The following EXT2 variants were observed in gnomAD, a reference collection of about 807,000 sequenced individuals.
EXT2 encodes exostosin-2.
EXT2 carries 53 observed loss-of-function variants against 81.6 expected under a neutral mutation model. The ratio of observed to expected loss-of-function variants is 0.65; its 90% CI spans 0.52 to 0.82. The LOEUF (loss-of-function observed/expected upper bound fraction) is 0.82, where lower values mean the gene tolerates loss of function less well. Ranked by LOEUF, EXT2 falls within the 40% of genes least tolerant of loss-of-function variation. The pLI is 0.00. For synonymous variants in EXT2, 320 were observed against 340.0 expected (o/e 0.94, Z 0.65); for missense variants, 774 against 910.2 (o/e 0.85, Z 1.93).
chr11:44,210,386 G>T (rs1457462087), intron 10 of EXT2, among the ~76,000 whole-genome samples: 1 of 152,172 alleles, frequency 6.6e-6, no homozygotes, highest in African/African-American at 2.4e-5. Context: ...AGTTAATGAA[G>T]CAGGATGAAA....
chr11:44,119,320 C>T (rs986942488), intron 4 of EXT2, among the ~76,000 whole-genome samples: 2 of 151,538 alleles, frequency 1.3e-5, no homozygotes, highest in Non-Finnish European at 2.9e-5. Context: ...TGACTTATTA[C>T]GGCAAAAGGA....
intron 7 of EXT2, among the ~76,000 whole-genome samples, chr11:44,153,661 T>C (rs1954821688): frequency 6.6e-6 from 1 of 152,124 alleles, no homozygotes; most frequent in South Asian, 2.1e-4. Context: ...TTGTAGATAT[T>C]CTTTATCAAC....
chr11:44,147,911 A>G lies in EXT2; in HGVS notation c.1173+17773A>G, dbSNP rs1284544317. 2.6e-5 allele frequency among the ~76,000 whole-genome samples: 4 copies of G among 151,370 alleles called. No homozygotes were observed. The East Asian group carries it at 7.8e-4, about 29-fold the overall frequency. On this transcript the variant is annotated intron_variant, in intron 7 of 13. Coordinates refer to ENST00000533608, the MANE Select transcript of EXT2 (RefSeq NM_207122.2). Reference sequence around the variant, plus strand: ...TTAGGTGCTGTGGGATCCTCCCTATATTCAAGGAAGTAACTCTCAAGGGAA... The same window carrying G: ...TTAGGTGCTGTGGGATCCTCCCTATGTTCAAGGAAGTAACTCTCAAGGGAA...
At chr11:44,185,508 C>G (rs1955298728) in intron 8 of EXT2, among the ~76,000 whole-genome samples, 1 of 151,054 alleles carries the variant, frequency 6.6e-6, no homozygotes. Context: ...TTTTTTTTGC[C>G]CTTGTGGGTT....
At position 44,119,163 on chromosome 11, in the gene EXT2, T is replaced by TAC. The variant is rs1954275730; in HGVS notation, c.743+4863_743+4864insCA. ...ATATATATATATATATATATATATA[T>TAC]ATATATACACATACACACACACACA... On this transcript the variant is annotated intron_variant, in intron 4 of 13. Coordinates refer to ENST00000533608, the MANE Select transcript of EXT2 (RefSeq NM_207122.2). 2.9e-4 allele frequency among the ~76,000 whole-genome samples: 14 copies of TAC among 48,096 alleles called. 1 individual carries two copies. Among genetic ancestry groups the TAC allele is most frequent in the South Asian group, 5.6e-4 (1 of 1,798 alleles). 31.6% of individuals were successfully genotyped at this position (48,096 alleles called of 152,430 possible).
At chr11:44,135,482 C>G (rs1316857862) in intron 7 of EXT2, among the ~76,000 whole-genome samples, 1 of 151,684 alleles carries the variant, frequency 6.6e-6, no homozygotes, top group African/African-American at 2.4e-5. Flanking sequence ...ACCTCTGCCT[C>G]CTGGGTTCAA....
intron 7 of EXT2, among the ~76,000 whole-genome samples, chr11:44,157,867 G>A (rs932340537): frequency 8.5e-5 from 13 of 152,194 alleles, no homozygotes; most frequent in African/African-American, 3.1e-4. Flanking sequence ...GTCTTACCCA[G>A]GGCCCACAGT....
chr11:44,234,151 G>A lies in EXT2; in HGVS notation c.1843G>A (p.Asp615Asn), dbSNP rs1324060578. ...NYLYTYKMPG[D>N]IKNWVDAHMN... The stretch of plus-strand genomic sequence containing the variant: ...CCTGTATACCTACAAAATGCCTGGG[G>A]ATATCAAGAACTGGGTAGATGCTCA... The change falls in exon 12 of 14, where the codon GAT becomes AAT. Residue 615 changes from aspartate (D) to asparagine (N), a missense_variant. Coordinates refer to ENST00000533608, the MANE Select transcript of EXT2 (RefSeq NM_207122.2). 4.3e-6 allele frequency: 7 copies of A among 1,613,944 alleles called. No individual in the cohort carries two copies. Among genetic ancestry groups the A allele is most frequent in the African/African-American group, 4.0e-5 (3 of 74,906 alleles).
intron 5 of EXT2, among the ~76,000 whole-genome samples, chr11:44,125,799 T>C (rs1173538829): frequency 6.6e-6 from 1 of 151,518 alleles, no homozygotes; most frequent in Non-Finnish European, 1.5e-5. Flanking sequence ...AGGGCAGGAG[T>C]ATTTATAGTA....
At chr11:44,164,042 ACT>A (rs1187497331) in intron 7 of EXT2, among the ~76,000 whole-genome samples, 2 of 147,126 alleles carry the variant, frequency 1.4e-5, no homozygotes, top group Non-Finnish European at 3.0e-5. Context: ...TTTCCCTCCC[ACT>A]CTTTTTTCTT....
intron 7 of EXT2, among the ~76,000 whole-genome samples, chr11:44,160,101 C>A (rs940902243): frequency 2.6e-5 from 4 of 152,204 alleles, no homozygotes; most frequent in Non-Finnish European, 2.9e-5. Context: ...TCTGTGAGAA[C>A]CTGGTTGAAC....
intron 7 of EXT2, 33 bp downstream of exon 7, chr11:44,130,171 G>T: frequency 6.4e-7 from 1 of 1,561,164 alleles, no homozygotes; most frequent in Non-Finnish European, 8.8e-7. Flanking sequence ...GGTGACATGG[G>T]TGGTACCGAA....
intron 10 of EXT2, among the ~76,000 whole-genome samples, chr11:44,208,250 A>G (rs1455731350): frequency 6.6e-6 from 1 of 152,094 alleles, no homozygotes; most frequent in Non-Finnish European, 1.5e-5. Context: ...AATGGCTTCA[A>G]ATGCTACCCA....
chr11:44,190,072 T>C (rs559160618), intron 8 of EXT2, among the ~76,000 whole-genome samples: 1 of 152,322 alleles, frequency 6.6e-6, no homozygotes, highest in East Asian at 1.9e-4. Context: ...ACGTTAGTAA[T>C]ATGATGCTAA....
At chr11:44,098,672 G>A (rs1953937682) in intron 1 of EXT2, among the ~76,000 whole-genome samples, 1 of 146,910 alleles carries the variant, frequency 6.8e-6, no homozygotes, top group African/African-American at 2.5e-5. Context: ...TCCAGCCTGG[G>A]CAACAGAGAG....
chr11:44,119,846 G>C (rs1360896552), intron 4 of EXT2, among the ~76,000 whole-genome samples: 1 of 152,236 alleles, frequency 6.6e-6, no homozygotes, highest in Admixed American at 6.5e-5. Flanking sequence ...GAGAAACCCT[G>C]GGTGAGGCAG....
intron 10 of EXT2, among the ~76,000 whole-genome samples, chr11:44,211,580 A>G (rs116881055): frequency 2.9e-4 from 44 of 152,350 alleles, no homozygotes; most frequent in Admixed American, 7.2e-4. Flanking sequence ...GTCTGATCTC[A>G]TAGAAGTAGA....
intron 10 of EXT2, among the ~76,000 whole-genome samples, chr11:44,230,323 T>C (rs1167152836): frequency 6.6e-6 from 1 of 152,172 alleles, no homozygotes; most frequent in African/African-American, 2.4e-5. Flanking sequence ...CTCTGTGACA[T>C]GTGAAGGAGT....
chr11:44,109,578 C>G (rs1954112905), intron 3 of EXT2, among the ~76,000 whole-genome samples: 1 of 152,156 alleles, frequency 6.6e-6, no homozygotes, highest in Non-Finnish European at 1.5e-5. Flanking sequence ...CTAGCTCTCT[C>G]TGAATTCGGG....
Sources: gnomAD v4.1 joint callset for allele counts (sites outside exome capture counted in the v4.1 genomes callset) on GRCh38, gnomAD v4.1.1 for gene constraint, MANE v1.5 for transcripts, NCBI Gene and HGNC (gene_info 2026-07-23, HGNC 2026-07-21) for gene names.